FGF13: variants seen among roughly 807,000 people sequenced by gnomAD.
The protein encoded by FGF13 is fibroblast growth factor 13.
In FGF13, 2 loss-of-function variants were observed where a neutral mutation model predicts 19.5. That is an observed-to-expected ratio of 0.10 (90% CI 0.04 to 0.32). The LOEUF is 0.32. Among genes scored for constraint, FGF13 ranks in the 10% least tolerant of loss-of-function variants. The pLI, the probability that FGF13 is intolerant of heterozygous loss-of-function variation, is 1.00. For synonymous variants in FGF13, 72 were observed against 76.9 expected, an observed-to-expected ratio of 0.94 and a Z score of 0.33; for missense variants, 113 against 192.7, an observed-to-expected ratio of 0.59 and a Z score of 2.45.
At chrX:138,997,564 A>G (rs994964038) in intron 1 of FGF13, among the ~76,000 whole-genome samples, 1 of 111,805 alleles carries the variant, frequency 8.9e-6, no homozygotes, top group African/African-American at 3.3e-5. Context: ...GAATCGATCA[A>G]GTGGAAGAAA....
chrX:138,656,178 T>C (rs755535387), intron 3 of FGF13, among the ~76,000 whole-genome samples: 1 of 111,576 alleles, frequency 9.0e-6, no homozygotes, highest in African/African-American at 3.3e-5. Flanking sequence ...TATAGGAACT[T>C]TGAGAACACA....
At chrX:139,105,955 T>A in intron 1 of FGF13, among the ~76,000 whole-genome samples, 1 of 112,390 alleles carries the variant, frequency 8.9e-6, no homozygotes, top group East Asian at 2.8e-4. Flanking sequence ...TTCTTTAAGA[T>A]CACTTCCATT....
intron 1 of FGF13, among the ~76,000 whole-genome samples, chrX:138,895,751 T>G (rs1374984298): frequency 8.9e-6 from 1 of 112,143 alleles, no homozygotes; most frequent in African/African-American, 3.2e-5. Flanking sequence ...AAGGAGTCAA[T>G]GAATGTCCAT....
At chrX:139,152,509 T>C (rs1239653481) in intron 1 of FGF13, among the ~76,000 whole-genome samples, 2 of 109,573 alleles carry the variant, frequency 1.8e-5, no homozygotes, top group Admixed American at 1.9e-4. Flanking sequence ...TCAACAAATA[T>C]GTGGGGGGAA....
chrX:139,141,047 T>TGATAGATAGATAGATA (rs71855826), intron 1 of FGF13, among the ~76,000 whole-genome samples: 125 of 89,111 alleles, frequency 1.4e-3, no homozygotes, highest in African/African-American at 4.5e-3. Context: ...ACTAGATAGA[T>TGATAGATAGATAGATA]GATAGATAGA....
chrX:138,656,654 A>G (rs1391735217), intron 3 of FGF13, among the ~76,000 whole-genome samples: 1 of 112,156 alleles, frequency 8.9e-6, no homozygotes, highest in Non-Finnish European at 1.9e-5. Flanking sequence ...GCCAAACACT[A>G]GAAGCATATG....
chrX:138,840,908 A>G (rs2091145994), intron 3 of FGF13, among the ~76,000 whole-genome samples: 1 of 111,341 alleles, frequency 9.0e-6, no homozygotes, highest in East Asian at 2.8e-4. Context: ...GGTTCATGAA[A>G]GCATTAGGTC....
intron 1 of FGF13, among the ~76,000 whole-genome samples, chrX:138,952,300 C>G (rs1200098768): frequency 1.3e-4 from 15 of 111,420 alleles, no homozygotes; most frequent in Non-Finnish European, 3.8e-5. Flanking sequence ...TGATCTTTGA[C>G]AAACCTGACA....
intron 1 of FGF13, among the ~76,000 whole-genome samples, chrX:138,992,232 T>G (rs1339391076): frequency 9.0e-6 from 1 of 111,417 alleles, no homozygotes; most frequent in Non-Finnish European, 1.9e-5. Context: ...ATTTGGGGGA[T>G]ATTAGTCTTT....
intron 3 of FGF13, among the ~76,000 whole-genome samples, chrX:138,764,433 A>G (rs1396717117): frequency 8.9e-6 from 1 of 112,908 alleles, no homozygotes. Context: ...GGCTGCTTAA[A>G]GGCAAACTGT....
At chrX:139,113,302 G>A (rs1233957614) in intron 1 of FGF13, among the ~76,000 whole-genome samples, 2 of 110,303 alleles carry the variant, frequency 1.8e-5, no homozygotes, top group Non-Finnish European at 3.8e-5. Context: ...ACACCTGCCA[G>A]GTTCTCCAAC....
intron 3 of FGF13, among the ~76,000 whole-genome samples, chrX:138,795,138 C>T (rs1428156449): frequency 8.9e-6 from 1 of 111,775 alleles, no homozygotes; most frequent in Non-Finnish European, 1.9e-5. Flanking sequence ...TTAAGTTATT[C>T]ATAAACCTGA....
At chrX:138,685,949 C>T (rs768480160) in intron 3 of FGF13, among the ~76,000 whole-genome samples, 59 of 109,486 alleles carry the variant, frequency 5.4e-4, no homozygotes, top group Non-Finnish European at 1.0e-3. Context: ...AAATGAAATG[C>T]TGTTTGTGAT....
At chrX:139,116,927 G>T (rs1035635179) in intron 1 of FGF13, among the ~76,000 whole-genome samples, 2 of 111,295 alleles carry the variant, frequency 1.8e-5, no homozygotes, top group African/African-American at 6.5e-5. Context: ...TCTAAGATGC[G>T]CTGTGCTACC....
intron 1 of FGF13, among the ~76,000 whole-genome samples, chrX:139,057,662 A>C (rs762614503): frequency 8.9e-6 from 1 of 112,394 alleles, no homozygotes; most frequent in Admixed American, 9.4e-5. Flanking sequence ...GAATGGGTAC[A>C]AATATTTTGG....
At chrX:138,715,129 C>T (rs771298938), upstream of FGF13, among the ~76,000 whole-genome samples, 2 of 111,856 alleles carry the variant, frequency 1.8e-5, no homozygotes, top group African/African-American at 6.5e-5. Context: ...CCCACGTGTC[C>T]GCTCTCCCAT....
intron 3 of FGF13, among the ~76,000 whole-genome samples, chrX:138,679,269 G>C (rs1602691369): frequency 9.1e-6 from 1 of 109,813 alleles, no homozygotes; most frequent in African/African-American, 3.3e-5. Context: ...TGTAGAGACA[G>C]GGTCTCGCTA....
At position 138,626,018 on chromosome X, in the gene FGF13, T is replaced by C. The variant is rs1342644665; in HGVS notation, c.*6832A>G. The C allele has an allele frequency of 9.0e-6, 1 of 111,233 alleles. No individual in the cohort carries two copies. The highest frequency in any genetic ancestry group is 3.3e-5 in the African/African-American group (1 of 30,272). 9.2% of individuals were successfully genotyped at this position (111,233 alleles called of 1,213,427 possible). A position where few individuals can be genotyped will look rare whatever the true frequency, so the allele number is the denominator to read the frequency against. ...ATCTTCTATAGCCTAATAGGCAAGG[T>C]TGTGAATCATACTTTGCTCAGAGTC... On this transcript the variant is annotated 3_prime_UTR_variant, in exon 5 of 5. Coordinates refer to ENST00000315930, the MANE Select transcript of FGF13 (RefSeq NM_004114.5).
At chrX:139,083,472 AGACCTGGATCCAAT>A (rs2083383899) in intron 1 of FGF13, among the ~76,000 whole-genome samples, 1 of 112,187 alleles carries the variant, frequency 8.9e-6, no homozygotes, top group Non-Finnish European at 1.9e-5. Context: ...GCTTGATTTA[AGACCTGGATCCAAT>A]GACAGGAAAG....
Sources: allele counts gnomAD v4.1 joint callset (sites outside exome capture counted in the v4.1 genomes callset), GRCh38; gene constraint gnomAD v4.1.1; transcripts MANE v1.5; gene names NCBI Gene and HGNC (gene_info 2026-07-23, HGNC 2026-07-21).